SLC14A2: variants seen among roughly 807,000 people sequenced by gnomAD.
SLC14A2 encodes solute carrier family 14 member 2, also known as urea transporter 2.
Under a neutral mutation model 104.6 loss-of-function variants are expected in SLC14A2, and 91 were observed. The observed-to-expected ratio is 0.87, with a 90% CI of 0.73 to 1.04. The LOEUF (loss-of-function observed/expected upper bound fraction) is 1.04. Among genes scored for constraint, SLC14A2 ranks in the 50% least tolerant of loss-of-function variants. The pLI, the probability that SLC14A2 is intolerant of heterozygous loss-of-function variation, is 0.00. For missense variants in SLC14A2, 1,189 were observed against 1,156.0 expected, an observed-to-expected ratio of 1.03 and a Z score of -0.41; for synonymous variants, 476 against 466.4, an observed-to-expected ratio of 1.02 and a Z score of -0.27.
At chr18:45,423,134 G>A (rs1349254936) in intron 1 of SLC14A2, among the ~76,000 whole-genome samples, 1 of 152,106 alleles carries the variant, frequency 6.6e-6, no homozygotes, top group Non-Finnish European at 1.5e-5. Flanking sequence ...GCTCCATTTG[G>A]GGAATGAAGA....
intron 4 of SLC14A2, among the ~76,000 whole-genome samples, 187 bp downstream of exon 4, chr18:45,627,334 A>C (rs987776294): frequency 1.3e-5 from 2 of 152,220 alleles, no homozygotes; most frequent in Admixed American, 1.3e-4. Context: ...GACAGTGTCA[A>C]CATTCATTTG....
At chr18:45,287,707 T>G (rs939196845) in intron 1 of SLC14A2, among the ~76,000 whole-genome samples, 3 of 152,226 alleles carry the variant, frequency 2.0e-5, no homozygotes, top group African/African-American at 7.2e-5. Context: ...TTCCACCTTC[T>G]CTGGCTTCCA....
chr18:45,532,918 AT>A (rs2043719748), intron 2 of SLC14A2, among the ~76,000 whole-genome samples: 1 of 152,090 alleles, frequency 6.6e-6, no homozygotes, highest in Non-Finnish European at 1.5e-5. Flanking sequence ...GGGTTGTTGA[AT>A]TTTGTCAAAG....
chr18:45,361,352 C>G (rs568651242), intron 1 of SLC14A2, among the ~76,000 whole-genome samples: 36 of 152,232 alleles, frequency 2.4e-4, no homozygotes, highest in African/African-American at 8.4e-4. Flanking sequence ...CATTTGAAAC[C>G]ATGATTCTCT....
At chr18:45,194,783 C>T in the SLC14A2 span, among the ~76,000 whole-genome samples, 1 of 151,134 alleles carries the variant, frequency 6.6e-6, no homozygotes, top group Non-Finnish European at 1.5e-5. Context: ...GTAGCTGGGA[C>T]TACAGGCACC....
At chr18:45,356,677 G>A (rs999175832) in intron 1 of SLC14A2, among the ~76,000 whole-genome samples, 1 of 152,240 alleles carries the variant, frequency 6.6e-6, no homozygotes, top group South Asian at 2.1e-4. Context: ...ATAATATTTA[G>A]TGGCCTGTAT....
chr18:45,345,458 G>C (rs887900790), intron 1 of SLC14A2, among the ~76,000 whole-genome samples: 6 of 152,102 alleles, frequency 3.9e-5, no homozygotes, highest in Non-Finnish European at 2.9e-5. Context: ...TGCCATGCAC[G>C]TGATGTCCTG....
intron 1 of SLC14A2, among the ~76,000 whole-genome samples, chr18:45,259,775 A>T (rs1599621292): frequency 6.6e-6 from 1 of 152,348 alleles, no homozygotes; most frequent in East Asian, 1.9e-4. Context: ...ATTGCCAAGC[A>T]CTGAAGCCCA....
intron 1 of SLC14A2, chr18:45,483,171 C>T (rs2087530021): frequency 6.6e-6 from 1 of 151,760 alleles, no homozygotes; most frequent in South Asian, 2.1e-4. Context: ...ATATTATTAC[C>T]TTTTCAAGAA....
chr18:45,629,897 A>C (rs936932669), intron 4 of SLC14A2, among the ~76,000 whole-genome samples: 4 of 152,168 alleles, frequency 2.6e-5, no homozygotes, highest in Non-Finnish European at 5.9e-5. Flanking sequence ...TCAACATCAC[A>C]TTTGTCCCTA....
At position 45,279,576 on chromosome 18, in the gene SLC14A2, T is replaced by C. The variant is rs1023181930; in HGVS notation, c.-125+66385T>C. Among the ~76,000 whole-genome samples the C allele has an allele frequency of 2.0e-5, 3 of 152,124 alleles. No individual in the cohort carries two copies. The South Asian group carries it at 6.2e-4, about 32-fold the overall frequency. The stretch of plus-strand genomic sequence containing the variant: ...ACACAGAGTGTGTAGTTTACTTCCA[T>C]CTCATGCCTTGAGCAGATGAACCAG... On this transcript the variant is annotated intron_variant, in intron 1 of 20. Transcript: ENST00000586448.
chr18:45,264,709 C>T (rs1189927413), intron 1 of SLC14A2, among the ~76,000 whole-genome samples: 1 of 152,016 alleles, frequency 6.6e-6, no homozygotes, highest in African/African-American at 2.4e-5. Context: ...ATTCACTACA[C>T]GAGAAAAATA....
At chr18:45,362,271 G>T (rs2085619963) in intron 1 of SLC14A2, among the ~76,000 whole-genome samples, 2 of 152,178 alleles carry the variant, frequency 1.3e-5, no homozygotes, top group African/African-American at 2.4e-5. Context: ...TATAAATTAT[G>T]CAGTCTCAGG....
chr18:45,203,538 G>T, the SLC14A2 span, among the ~76,000 whole-genome samples: 4 of 152,278 alleles, frequency 2.6e-5, no homozygotes, highest in South Asian at 8.3e-4. Context: ...AACACTGTGT[G>T]TGTGTATGTA....
At chr18:45,596,825 G>A (rs1490656013) in intron 2 of SLC14A2, among the ~76,000 whole-genome samples, 1 of 152,112 alleles carries the variant, frequency 6.6e-6, no homozygotes, top group East Asian at 1.9e-4. Context: ...GTGTTTAATT[G>A]ATCAACTGGG....
chr18:45,665,543 A>C (rs983691729), intron 11 of SLC14A2, among the ~76,000 whole-genome samples: 1 of 152,132 alleles, frequency 6.6e-6, no homozygotes, highest in African/African-American at 2.4e-5. Flanking sequence ...AAAAAAACAA[A>C]AACAAAAACA....
chr18:45,173,151 C>T, the SLC14A2 span, among the ~76,000 whole-genome samples: 10 of 152,094 alleles, frequency 6.6e-5, no homozygotes, highest in Non-Finnish European at 1.2e-4. Flanking sequence ...AACTACATGG[C>T]CCTTTGTCAG....
At chr18:45,551,713 G>A (rs997190456) in intron 2 of SLC14A2, among the ~76,000 whole-genome samples, 2 of 152,204 alleles carry the variant, frequency 1.3e-5, no homozygotes, top group Admixed American at 6.5e-5. Context: ...CCAGAGGAGG[G>A]CAGGGCAGTG....
chr18:45,585,689 C>T (rs2044556525), intron 2 of SLC14A2, among the ~76,000 whole-genome samples: 1 of 152,168 alleles, frequency 6.6e-6, no homozygotes, highest in Non-Finnish European at 1.5e-5. Context: ...TGTCTGGTGA[C>T]CCACAGCCTC....
Sources: allele counts gnomAD v4.1 joint callset (sites outside exome capture counted in the v4.1 genomes callset), GRCh38; gene constraint gnomAD v4.1.1; transcripts MANE v1.5; gene names NCBI Gene and HGNC (gene_info 2026-07-23, HGNC 2026-07-21).